ZC3H12B: variants seen among roughly 807,000 people sequenced by gnomAD.
ZC3H12B encodes the protein zinc finger CCCH-type containing 12B.
Under a neutral mutation model 43.9 loss-of-function variants are expected in ZC3H12B, and 7 were observed. The observed-to-expected ratio is 0.16, with a 90% confidence interval of 0.09 to 0.30. The LOEUF is 0.30. Ranked by LOEUF, ZC3H12B falls within the 10% of genes least tolerant of loss-of-function variation. ZC3H12B has a pLI of 1.00. For synonymous variants in ZC3H12B, 222 were observed against 241.7 expected, an observed-to-expected ratio of 0.92 and a Z score of 0.76; for missense variants, 475 against 670.2, an observed-to-expected ratio of 0.71 and a Z score of 3.22.
chrX:65,421,947 C>CAA (rs113194708), intron 3 of ZC3H12B, among the ~76,000 whole-genome samples: 4 of 70,641 alleles, frequency 5.7e-5, no homozygotes, highest in South Asian at 6.8e-4. Context: ...GACTCCATCT[C>CAA]AAAAAAAAAA....
the ZC3H12B span, among the ~76,000 whole-genome samples, chrX:65,236,280 T>C: frequency 1.8e-5 from 2 of 112,156 alleles, no homozygotes; most frequent in African/African-American, 6.5e-5. Flanking sequence ...AATTTCTCTG[T>C]TTCCTGTGGC....
At chrX:65,299,886 G>A in the ZC3H12B span, among the ~76,000 whole-genome samples, 8 of 112,479 alleles carry the variant, frequency 7.1e-5, no homozygotes, top group Non-Finnish European at 1.1e-4. Context: ...TCCTTACTGG[G>A]GAACCTGAGG....
intron 2 of ZC3H12B, among the ~76,000 whole-genome samples, chrX:65,392,373 G>A (rs996046243): frequency 1.4e-4 from 16 of 111,806 alleles, no homozygotes; most frequent in South Asian, 3.8e-4. Context: ...ACCTCTGCCC[G>A]GCCGCAACCC....
chrX:65,163,558 G>A, the ZC3H12B span, among the ~76,000 whole-genome samples: 2 of 111,639 alleles, frequency 1.8e-5, no homozygotes, highest in South Asian at 3.7e-4. Flanking sequence ...CTCCGTGGGC[G>A]TAGGACCCTC....
At chrX:65,169,553 C>G in the ZC3H12B span, among the ~76,000 whole-genome samples, 1 of 111,784 alleles carries the variant, frequency 8.9e-6, no homozygotes, top group Admixed American at 9.5e-5. Context: ...ATTAGATCTG[C>G]TTAGTGCACA....
At chrX:65,462,221 A>G (rs954892239) in intron 3 of ZC3H12B, among the ~76,000 whole-genome samples, 2 of 111,104 alleles carry the variant, frequency 1.8e-5, no homozygotes, top group Admixed American at 1.9e-4. Context: ...CATTTTTAAA[A>G]ACTTCAAGGC....
At chrX:65,169,106 G>T in the ZC3H12B span, among the ~76,000 whole-genome samples, 4 of 111,027 alleles carry the variant, frequency 3.6e-5, no homozygotes, top group African/African-American at 9.8e-5. Flanking sequence ...TGCTTCTCTG[G>T]TTCTTTTAAT....
the ZC3H12B span, among the ~76,000 whole-genome samples, chrX:65,144,438 TA>T: frequency 8.9e-6 from 1 of 112,213 alleles, no homozygotes. Flanking sequence ...TTGTTTTATT[TA>T]TCTTTTGTAT....
chrX:65,232,890 G>T, the ZC3H12B span, among the ~76,000 whole-genome samples: 5 of 111,365 alleles, frequency 4.5e-5, no homozygotes, highest in African/African-American at 9.8e-5. Flanking sequence ...TGAAAATTAA[G>T]GATGGAAAAA....
At chrX:65,199,256 G>T in the ZC3H12B span, among the ~76,000 whole-genome samples, 1 of 107,175 alleles carries the variant, frequency 9.3e-6, no homozygotes, top group Non-Finnish European at 1.9e-5. Flanking sequence ...TGCTTGATCA[G>T]TTCTGCTGTT....
chrX:65,160,962 C>G, the ZC3H12B span, among the ~76,000 whole-genome samples: 1 of 110,804 alleles, frequency 9.0e-6, no homozygotes, highest in East Asian at 2.8e-4. Context: ...TATGTTGTGT[C>G]TTTGTTCTCG....
At chrX:65,072,196 G>T in the ZC3H12B span, among the ~76,000 whole-genome samples, 2 of 111,729 alleles carry the variant, frequency 1.8e-5, no homozygotes, top group African/African-American at 6.5e-5. Flanking sequence ...TTTCAGAAAG[G>T]CAGTCTTCAA....
chrX:65,150,343 C>T, the ZC3H12B span, among the ~76,000 whole-genome samples: 4 of 110,929 alleles, frequency 3.6e-5, no homozygotes, highest in East Asian at 8.5e-4. Context: ...TTCATATTTG[C>T]TGAGACAAAG....
the ZC3H12B span, among the ~76,000 whole-genome samples, chrX:65,131,434 G>T: frequency 9.0e-6 from 1 of 111,504 alleles, no homozygotes; most frequent in African/African-American, 3.3e-5. Context: ...TGCGGTCCCA[G>T]CTCTTGTGTA....
chrX:65,309,142 G>A, the ZC3H12B span, among the ~76,000 whole-genome samples: 41 of 104,936 alleles, frequency 3.9e-4, no homozygotes, highest in Non-Finnish European at 7.1e-4. Context: ...TAAGATCAGA[G>A]CAGAACTGAA....
chrX:65,036,433 A>G, the ZC3H12B span, among the ~76,000 whole-genome samples: 1 of 111,379 alleles, frequency 9.0e-6, no homozygotes, highest in South Asian at 3.7e-4. Flanking sequence ...TTTTTTTTGT[A>G]AATGCTTTTG....
chrX:65,095,711 CCTAA>C, the ZC3H12B span, among the ~76,000 whole-genome samples: 1 of 111,734 alleles, frequency 8.9e-6, no homozygotes, highest in Non-Finnish European at 1.9e-5. Flanking sequence ...TTTACCAGAG[CCTAA>C]CTTATTGGGG....
the ZC3H12B span, among the ~76,000 whole-genome samples, chrX:65,163,567 T>C: frequency 8.9e-6 from 1 of 111,733 alleles, no homozygotes; most frequent in African/African-American, 3.3e-5. Flanking sequence ...CGTAGGACCC[T>C]CTGAGCTATG....
chrX:65,347,092 C>A, the ZC3H12B span, among the ~76,000 whole-genome samples: 2 of 112,253 alleles, frequency 1.8e-5, no homozygotes, highest in African/African-American at 6.5e-5. Context: ...TGGGACGTAG[C>A]TTCCAGAGGA....
Sources: allele counts gnomAD v4.1 joint callset (sites outside exome capture counted in the v4.1 genomes callset), GRCh38; gene constraint gnomAD v4.1.1; transcripts MANE v1.5; gene names NCBI Gene and HGNC (gene_info 2026-07-23, HGNC 2026-07-21).